Variants in FAM200B observed in about 807,000 individuals in gnomAD.
FAM200B encodes the protein zinc finger BED-type containing 11.
FAM200B carries 32 observed loss-of-function variants against 33.1 expected under a neutral mutation model. The observed-to-expected ratio is 0.97, with a 90% CI of 0.73 to 1.30. The LOEUF is 1.30. Among genes scored for constraint, FAM200B ranks in the 50% most tolerant of loss-of-function variants. The pLI is 0.00. For synonymous variants in FAM200B, 240 were observed against 264.8 expected (o/e 0.91, Z 0.91); for missense variants, 741 against 754.0 (o/e 0.98, Z 0.20).
rs1395676496 is a variant in FAM200B, at chr4:15,687,792, T to C, written c.815T>C (p.Ile272Thr). 1 of 1,550,726 alleles carries C rather than the reference T, an allele frequency of 6.4e-7. No homozygotes were observed. Among genetic ancestry groups the C allele is most frequent in the Admixed American group, 2.0e-5 (1 of 50,900 alleles). The change falls in exon 2 of 2, where the codon ATT becomes ACT. Residue 272 changes from isoleucine (I) to threonine (T), a missense_variant. Physicochemically the swap from Ile to Thr is moderately conservative, Grantham distance 89 (BLOSUM62 -1). Transcript: ENST00000422728. ...ACCTCACACCTAAGTGGATTAGATA[T>C]TTTTACAGAATTAGAAAGGCGCATA... is the stretch of plus-strand genomic sequence containing the variant. ...NLTSHLSGLD[I>T]FTELERRIVG...
the FAM200B span, among the ~76,000 whole-genome samples, chr4:15,660,863 G>A: frequency 1.3e-5 from 2 of 152,070 alleles, no homozygotes; most frequent in African/African-American, 4.8e-5. Flanking sequence ...GATCACTTCA[G>A]GTCAGGAGTT....
the FAM200B span, among the ~76,000 whole-genome samples, chr4:15,673,985 T>A: frequency 6.6e-6 from 1 of 152,250 alleles, no homozygotes; most frequent in Non-Finnish European, 1.5e-5. Context: ...TTGTTTTATA[T>A]ATTTTGTCCA....
chr4:15,670,625 G>A, the FAM200B span, among the ~76,000 whole-genome samples: 1 of 151,326 alleles, frequency 6.6e-6, no homozygotes, highest in Non-Finnish European at 1.5e-5. Flanking sequence ...TATGTCCCCT[G>A]CCCCTGGGCC....
Position 15,688,948 on chromosome 4 carries a change from A to G in FAM200B, c.1971A>G (p.Ser657=). The change falls in exon 2 of 2, where the codon TCA becomes TCG. Residue 657 remains serine (S), a synonymous_variant. Transcript: ENST00000422728. Reference sequence around the variant, plus strand: ...TTATGAACAGGCAAGCACACCCATCATAGTAAATAAAAATCTTACCTAGCT... The same window carrying G: ...TTATGAACAGGCAAGCACACCCATCGTAGTAAATAAAAATCTTACCTAGCT... ...NELMNRQAHP[S] 1 of 1,440,710 alleles carries G rather than the reference A, an allele frequency of 6.9e-7. No homozygotes were observed. Among genetic ancestry groups the G allele is most frequent in the Non-Finnish European group, 9.2e-7 (1 of 1,091,892 alleles). 89.2% of individuals were successfully genotyped at this position (1,440,710 alleles called of 1,614,324 possible).
At chr4:15,638,494 T>C in the FAM200B span, 2 of 1,556,054 alleles carry the variant, frequency 1.3e-6, 1 homozygote, top group Non-Finnish European at 1.7e-6. Flanking sequence ...GTTCTTTATA[T>C]ATATGAATCT....
the FAM200B span, chr4:15,656,335 G>A: frequency 2.2e-6 from 1 of 456,082 alleles, no homozygotes; most frequent in East Asian, 6.9e-5. Context: ...TGGTTGGCTG[G>A]AGTACTGCTG....
At chr4:15,637,239 T>A in the FAM200B span, among the ~76,000 whole-genome samples, 1 of 152,234 alleles carries the variant, frequency 6.6e-6, no homozygotes, top group African/African-American at 2.4e-5. Flanking sequence ...TTATTTATGT[T>A]GCAGGTGAGA....
chr4:15,659,663 C>A, the FAM200B span: 1 of 864,036 alleles, frequency 1.2e-6, no homozygotes, highest in Non-Finnish European at 1.4e-6. Context: ...CATAAAGTTT[C>A]CTTGCAAAAT....
chr4:15,641,188 G>A, the FAM200B span, among the ~76,000 whole-genome samples: 4 of 151,996 alleles, frequency 2.6e-5, no homozygotes, highest in Non-Finnish European at 5.9e-5. Context: ...CTACATGTCA[G>A]TTCTCTTAAT....
upstream of FAM200B, among the ~76,000 whole-genome samples, chr4:15,676,766 CT>C (rs1157563111): frequency 2.6e-5 from 4 of 152,030 alleles, no homozygotes; most frequent in Non-Finnish European, 5.9e-5. Flanking sequence ...CAATTCTTTA[CT>C]TTTGTGTATA....
At position 15,687,881 on chromosome 4, in the gene FAM200B, A is replaced by G. The variant is rs1719034006; in HGVS notation, c.904A>G (p.Met302Val). 6.4e-7 allele frequency: 1 copy of G among 1,551,264 alleles called. No individual in the cohort carries two copies. The highest frequency in any genetic ancestry group is 8.7e-7 in the Non-Finnish European group (1 of 1,146,692). ...AATTACAAGTGATGGCACAGCAACC[A>G]TGACTGGAAAACATAGCAGAGTAAT... Reference protein sequence around the residue: ...KGITSDGTATMTGKHSRVIKK... With the variant: ...KGITSDGTATVTGKHSRVIKK... The change falls in exon 2 of 2, where the codon ATG becomes GTG. Residue 302 changes from methionine (M) to valine (V), a missense_variant. Coordinates refer to ENST00000422728, the MANE Select transcript of FAM200B (RefSeq NM_001145191.2).
Position 15,688,448 on chromosome 4 carries a change from A to G in FAM200B, c.1471A>G (p.Ile491Val), listed in dbSNP as rs2148866290. Residue 491 changes from isoleucine (I) to valine (V), a missense_variant, in exon 2 of 2, where the codon ATT becomes GTT. Physicochemically the swap from Ile to Val is conservative, Grantham distance 29 (BLOSUM62 3). Coordinates refer to ENST00000422728, the MANE Select transcript of FAM200B (RefSeq NM_001145191.2). ...CATGTTTCCAAGATTTTTGCAGCAT[A>G]TTGAAGAGAATATTATTAATGAAAA... is the stretch of plus-strand genomic sequence containing the variant. ...YYMFPRFLQH[I>V]EENIINENIL... The G allele has an allele frequency of 6.5e-7, 1 of 1,543,004 alleles. No individual in the cohort carries two copies. Among genetic ancestry groups the G allele is most frequent in the Non-Finnish European group, 8.8e-7 (1 of 1,140,798 alleles).
the FAM200B span, among the ~76,000 whole-genome samples, chr4:15,668,043 A>G: frequency 1.7e-5 from 1 of 58,840 alleles, no homozygotes; most frequent in East Asian, 2.6e-4. Context: ...CTCTATCTCT[A>G]AAAAAAAAAA....
upstream of FAM200B, among the ~76,000 whole-genome samples, chr4:15,680,860 A>C (rs1486137075): frequency 6.6e-6 from 1 of 150,584 alleles, no homozygotes; most frequent in African/African-American, 2.4e-5. Context: ...TTAAAAAAAA[A>C]CTATATATGA....
the FAM200B span, among the ~76,000 whole-genome samples, chr4:15,650,098 C>G: frequency 5.3e-5 from 8 of 152,142 alleles, no homozygotes; most frequent in Admixed American, 5.2e-4. Context: ...AAGGCAAGAT[C>G]TGGAGGCAGT....
At chr4:15,657,106 CT>C in the FAM200B span, among the ~76,000 whole-genome samples, 1 of 152,178 alleles carries the variant, frequency 6.6e-6, no homozygotes, top group Admixed American at 6.5e-5. Flanking sequence ...GTTTCTCGTT[CT>C]TTTGCCAGGA....
At chr4:15,676,067 A>G in the FAM200B span, among the ~76,000 whole-genome samples, 7 of 152,156 alleles carry the variant, frequency 4.6e-5, no homozygotes, top group African/African-American at 1.4e-4. Context: ...AACTTTCTGG[A>G]TCTTAGCTTC....
chr4:15,665,080 A>G, the FAM200B span, among the ~76,000 whole-genome samples: 1 of 152,088 alleles, frequency 6.6e-6, no homozygotes. Flanking sequence ...CACTACAGCT[A>G]CATTGCTACC....
chr4:15,655,479 C>T, the FAM200B span: 34 of 793,706 alleles, frequency 4.3e-5, no homozygotes, highest in Non-Finnish European at 4.9e-5. Context: ...GCCCACGTGA[C>T]CGGGCGCGCG....
Sources: gnomAD v4.1 joint callset for allele counts (sites outside exome capture counted in the v4.1 genomes callset) on GRCh38, gnomAD v4.1.1 for gene constraint, MANE v1.5 for transcripts, NCBI Gene and HGNC (gene_info 2026-07-23, HGNC 2026-07-21) for gene names.